Variants in CPA6 observed in about 807,000 individuals in gnomAD.
The protein encoded by CPA6 is carboxypeptidase B.
A neutral mutation model predicts 63.3 loss-of-function variants in CPA6; 58 were observed. That is an observed-to-expected ratio of 0.92 (90% CI 0.74 to 1.14). The LOEUF (loss-of-function observed/expected upper bound fraction) is 1.14. CPA6 is among the 50% of genes most tolerant of loss of function. CPA6 has a pLI of 0.00. For synonymous variants in CPA6, 185 were observed against 179.0 expected (o/e 1.03, Z -0.27); for missense variants, 565 against 526.6 (o/e 1.07, Z -0.71).
intron 4 of CPA6, among the ~76,000 whole-genome samples, chr8:67,510,781 G>A (rs543584593): frequency 1.1e-4 from 17 of 152,284 alleles, no homozygotes; most frequent in African/African-American, 2.9e-4. Flanking sequence ...TGGAGTTACA[G>A]CGGTGAATAA....
At chr8:67,441,506 T>A (rs192157425) in intron 8 of CPA6, among the ~76,000 whole-genome samples, 65 of 152,302 alleles carry the variant, frequency 4.3e-4, no homozygotes, top group Middle Eastern at 6.8e-3. Flanking sequence ...CTCTGAAAGT[T>A]CTGCGAAAGC....
intron 1 of CPA6, among the ~76,000 whole-genome samples, chr8:67,725,291 G>C (rs1382149429): frequency 1.3e-5 from 2 of 152,094 alleles, no homozygotes; most frequent in African/African-American, 4.8e-5. Context: ...CTTAGTGCTA[G>C]CCCTTTATAT....
intron 2 of CPA6, among the ~76,000 whole-genome samples, chr8:67,592,868 TTG>T (rs1210651603): frequency 1.3e-5 from 2 of 152,160 alleles, no homozygotes; most frequent in African/African-American, 4.8e-5. Context: ...GAAGGGTTTT[TTG>T]TGTCTCTATT....
chr8:67,596,593 ATAATT>A (rs1399316867), intron 2 of CPA6, among the ~76,000 whole-genome samples: 1 of 151,184 alleles, frequency 6.6e-6, no homozygotes, highest in Non-Finnish European at 1.5e-5. Flanking sequence ...CAATTATCTC[ATAATT>A]TAAGTTGTAT....
At chr8:67,724,902 G>A (rs973838696) in intron 1 of CPA6, among the ~76,000 whole-genome samples, 1 of 152,172 alleles carries the variant, frequency 6.6e-6, no homozygotes. Context: ...TTCCATCTTA[G>A]ACTCATCCCC....
intron 1 of CPA6, among the ~76,000 whole-genome samples, chr8:67,681,542 T>C (rs551485992): frequency 5.4e-4 from 83 of 152,362 alleles, no homozygotes; most frequent in African/African-American, 1.8e-3. Context: ...AGAAGACCTA[T>C]AGTTTTAAGT....
intron 2 of CPA6, among the ~76,000 whole-genome samples, chr8:67,530,422 A>G (rs765786071): frequency 6.6e-6 from 1 of 152,224 alleles, no homozygotes; most frequent in African/African-American, 2.4e-5. Flanking sequence ...TTACATCATC[A>G]TAAGATTTCA....
intron 1 of CPA6, among the ~76,000 whole-genome samples, chr8:67,660,323 T>TTTTC (rs1491240670): frequency 9.3e-5 from 4 of 43,062 alleles, no homozygotes; most frequent in Non-Finnish European, 1.6e-4. Context: ...TTATTGCAGG[T>TTTTC]TTTTTTTTTT....
chr8:67,507,999 T>TTGTGTGTGTGTGTGTGTGTGTG (rs145996041), intron 5 of CPA6, among the ~76,000 whole-genome samples: 1 of 142,296 alleles, frequency 7.0e-6, no homozygotes, highest in East Asian at 2.1e-4. Flanking sequence ...ATGGGGTGCT[T>TTGTGTGTGTGTGTGTGTGTGTG]TGTGTGTGTG....
intron 1 of CPA6, among the ~76,000 whole-genome samples, chr8:67,654,031 T>G (rs555131600): frequency 2.2e-4 from 34 of 152,290 alleles, no homozygotes; most frequent in African/African-American, 7.9e-4. Flanking sequence ...TCTGTTTATA[T>G]GCTGGATTAC....
At chr8:67,456,159 T>TAG (rs1810673466) in intron 8 of CPA6, among the ~76,000 whole-genome samples, 3 of 152,336 alleles carry the variant, frequency 2.0e-5, no homozygotes, top group African/African-American at 7.2e-5. Flanking sequence ...GTAATAACCG[T>TAG]TGTGTAACTT....
At chr8:67,472,383 T>TTATTTTATTCTATTC (rs1487265430) in intron 8 of CPA6, among the ~76,000 whole-genome samples, 1 of 103,956 alleles carries the variant, frequency 9.6e-6, no homozygotes, top group South Asian at 2.6e-4. Context: ...TTTTTTTATT[T>TTATTTTATTCTATTC]TATTTTATTT....
chr8:67,576,181 CA>C (rs1443238084), intron 2 of CPA6, among the ~76,000 whole-genome samples: 3 of 152,082 alleles, frequency 2.0e-5, no homozygotes, highest in Non-Finnish European at 2.9e-5. Flanking sequence ...CAATAAATGT[CA>C]AATGTTCTCA....
intron 1 of CPA6, among the ~76,000 whole-genome samples, chr8:67,675,735 C>T (rs527508934): frequency 5.9e-5 from 9 of 152,310 alleles, no homozygotes; most frequent in African/African-American, 1.9e-4. Context: ...GCCCTCAAAT[C>T]GCACTGCCTG....
At chr8:67,506,054 A>G (rs1304919749) in intron 6 of CPA6, among the ~76,000 whole-genome samples, 3 of 151,756 alleles carry the variant, frequency 2.0e-5, no homozygotes, top group Non-Finnish European at 4.4e-5. Context: ...CTAAAAGTCA[A>G]GGTTAAAAAA....
At chr8:67,600,228 G>C (rs1814458374) in intron 2 of CPA6, among the ~76,000 whole-genome samples, 1 of 151,834 alleles carries the variant, frequency 6.6e-6, no homozygotes, top group Admixed American at 6.6e-5. Context: ...CATTTTCCTG[G>C]AGGACGTTAT....
At position 67,629,459 on chromosome 8, in the gene CPA6, G is replaced by T. The variant is rs529358005; in HGVS notation, c.117-5208C>A. ...TCAAGGCATTTTGTCCAGCCTGGGT[G>T]ACATAATGAGACCCTGTCTCAAAAA... On this transcript the variant is annotated intron_variant, in intron 1 of 10. Transcript: ENST00000297770. Among the ~76,000 whole-genome samples the T allele has an allele frequency of 3.2e-3, 405 of 125,004 alleles. 3 individuals carry two copies. The highest frequency in any genetic ancestry group is 0.012 in the African/African-American group (385 of 30,978). The allele number at this position is 125,004 out of a possible 152,430, so 82.0% of individuals were successfully genotyped here.
intron 8 of CPA6, among the ~76,000 whole-genome samples, chr8:67,440,259 G>A (rs1322482073): frequency 6.6e-6 from 1 of 152,032 alleles, no homozygotes; most frequent in Non-Finnish European, 1.5e-5. Flanking sequence ...TTCCAGCCAT[G>A]TATCACTTAA....
In CPA6 at chr8:67,472,372, AT is replaced by A. The variant is rs1463709862; in HGVS notation, c.838+11395del. Among the ~76,000 whole-genome samples, 15 of 50,970 alleles carry A rather than the reference AT, an allele frequency of 2.9e-4. 1 individual carries two copies. The highest frequency in any genetic ancestry group is 4.8e-4 in the South Asian group (1 of 2,070). 33.4% of individuals were successfully genotyped at this position (50,970 alleles called of 152,430 possible). On this transcript the variant is annotated intron_variant, in intron 8 of 10. Transcript: ENST00000297770. ...AAACTAAGTTATTTGTAAAAGATTT[AT>A]TTTTTTATTTTATTTTATTTTATTT...
Sources: allele counts gnomAD v4.1 joint callset (sites outside exome capture counted in the v4.1 genomes callset), GRCh38; gene constraint gnomAD v4.1.1; transcripts MANE v1.5; gene names NCBI Gene and HGNC (gene_info 2026-07-23, HGNC 2026-07-21).